TMEM132D: variants seen among roughly 807,000 people sequenced by gnomAD.
The protein encoded by TMEM132D is transmembrane protein 132D.
A neutral mutation model predicts 62.3 loss-of-function variants in TMEM132D; 21 were observed. The ratio of observed to expected loss-of-function variants is 0.34; its 90% CI spans 0.24 to 0.49. TMEM132D has a LOEUF of 0.49. TMEM132D is among the 20% of genes least tolerant of loss of function. TMEM132D has a pLI of 0.99. For missense variants in TMEM132D, 1,346 were observed against 1,402.8 expected (o/e 0.96, Z 0.65); for synonymous variants, 621 against 575.6 (o/e 1.08, Z -1.13).
In TMEM132D at chr12:129,134,961, C is replaced by A. The variant is rs188603468; in HGVS notation, c.1444-50259G>T. Among the ~76,000 whole-genome samples the A allele has an allele frequency of 4.6e-5, 7 of 152,338 alleles. No homozygotes were observed. The East Asian group carries it at 1.2e-3, about 25-fold the overall frequency. Reference sequence around the variant, plus strand: ...GGTGTGCCCCAAACCCACACTGGACCAATTAGAGTCCTCACGTGATATATT... The same window carrying A: ...GGTGTGCCCCAAACCCACACTGGACAAATTAGAGTCCTCACGTGATATATT... On this transcript the variant is annotated intron_variant, in intron 5 of 8. Coordinates refer to ENST00000422113, the MANE Select transcript of TMEM132D (RefSeq NM_133448.3).
intron 3 of TMEM132D, among the ~76,000 whole-genome samples, chr12:129,488,713 T>C (rs549214422): frequency 2.6e-5 from 4 of 152,010 alleles, no homozygotes; most frequent in African/African-American, 9.6e-5. Context: ...GTATGTTTGG[T>C]ATTCAGGAGT....
At chr12:129,543,099 A>C (rs1876626979) in intron 2 of TMEM132D, among the ~76,000 whole-genome samples, 1 of 147,752 alleles carries the variant, frequency 6.8e-6, no homozygotes, top group African/African-American at 2.5e-5. Context: ...GATAGATTAG[A>C]AAGATGGATA....
At chr12:129,115,450 A>G (rs1875865779) in intron 5 of TMEM132D, among the ~76,000 whole-genome samples, 1 of 152,136 alleles carries the variant, frequency 6.6e-6, no homozygotes, top group Non-Finnish European at 1.5e-5. Flanking sequence ...GATATGAGAG[A>G]GGCACTGCTT....
At chr12:129,413,849 C>T (rs1872037935) in intron 3 of TMEM132D, among the ~76,000 whole-genome samples, 1 of 152,114 alleles carries the variant, frequency 6.6e-6, no homozygotes, top group Admixed American at 6.5e-5. Flanking sequence ...AGTAATATTC[C>T]TTTCATGAAA....
At chr12:129,236,631 C>T (rs141844134) in intron 4 of TMEM132D, among the ~76,000 whole-genome samples, 18 of 151,206 alleles carry the variant, frequency 1.2e-4, no homozygotes, top group Non-Finnish European at 2.2e-4. Flanking sequence ...TTTTTCGTGG[C>T]GTCTTTAGGG....
intron 5 of TMEM132D, among the ~76,000 whole-genome samples, chr12:129,150,350 A>C (rs1304977017): frequency 6.6e-6 from 1 of 152,166 alleles, no homozygotes; most frequent in African/African-American, 2.4e-5. Flanking sequence ...GCCAACACTC[A>C]CTGGGGACTC....
intron 3 of TMEM132D, among the ~76,000 whole-genome samples, chr12:129,476,347 C>T (rs1273996246): frequency 6.6e-6 from 1 of 152,156 alleles, no homozygotes; most frequent in Admixed American, 6.5e-5. Context: ...GAGACAAGAG[C>T]AACTTCCCAA....
Position 129,074,515 on chromosome 12 carries a change from C to T in TMEM132D, c.2660G>A (p.Ser887Asn), listed in dbSNP as rs200821494. The change falls in exon 9 of 9, where the codon AGC (serine) becomes AAC (asparagine). Residue 887 changes from serine (S) to asparagine (N), a missense_variant. Coordinates refer to ENST00000422113, the MANE Select transcript of TMEM132D (RefSeq NM_133448.3). ...GGGGAGGTCCACCTGGGCTGGGAAG[C>T]TGGTGAGGTCGCTGGGGATGGTCTG... ...HLQTIPSDLT[S>N]FPAQVDLPRS... The T allele has an allele frequency of 1.5e-4, 239 of 1,613,972 alleles. No homozygotes were observed. Among genetic ancestry groups the T allele is most frequent in the Non-Finnish European group, 1.7e-4 (201 of 1,180,040 alleles).
At chr12:129,330,655 C>T (rs974044438) in intron 4 of TMEM132D, among the ~76,000 whole-genome samples, 2 of 152,200 alleles carry the variant, frequency 1.3e-5, no homozygotes, top group Non-Finnish European at 2.9e-5. Flanking sequence ...CCGCTCCATG[C>T]GACACCCTGC....
chr12:129,587,059 G>A (rs1444517236), intron 2 of TMEM132D, among the ~76,000 whole-genome samples: 1 of 152,086 alleles, frequency 6.6e-6, no homozygotes, highest in African/African-American at 2.4e-5. Context: ...TGTAAAAATA[G>A]CATGTGCATA....
rs146364757 is a variant in TMEM132D, at chr12:129,318,301, G to T, written c.1299+19333C>A. ...GTTAGAGGGAAGGTCTAGGGCTGAA[G>T]GCTGTTGTTCAGATTCTTTTGTCCC... On this transcript the variant is annotated intron_variant, in intron 4 of 8. Transcript: ENST00000422113. Among the ~76,000 whole-genome samples the T allele has an allele frequency of 2.3e-3, 344 of 152,308 alleles. 2 individuals carry two copies. Among genetic ancestry groups the T allele is most frequent in the African/African-American group, 8.0e-3 (331 of 41,574 alleles).
intron 2 of TMEM132D, among the ~76,000 whole-genome samples, chr12:129,639,706 C>T (rs762000183): frequency 2.0e-5 from 3 of 152,096 alleles, no homozygotes; most frequent in Non-Finnish European, 4.4e-5. Context: ...CGCTTCTGTG[C>T]CCACTTTGAA....
intron 3 of TMEM132D, 98 bp from the exon 4 acceptor site, chr12:129,337,915 C>T (rs1869346649): frequency 1.1e-5 from 14 of 1,285,336 alleles, no homozygotes; most frequent in Admixed American, 2.3e-5. Context: ...CTCTATGTAC[C>T]TCCACATGGA....
In TMEM132D at chr12:129,099,918, C is replaced by T. The variant is rs1167867643; in HGVS notation, c.1444-15216G>A. Among the ~76,000 whole-genome samples, 10 of 125,202 alleles carry T rather than the reference C, an allele frequency of 8.0e-5. 1 individual carries two copies. Among genetic ancestry groups the T allele is most frequent in the African/African-American group, 2.3e-4 (4 of 17,320 alleles). 82.1% of individuals were successfully genotyped at this position (125,202 alleles called of 152,430 possible). On this transcript the variant is annotated intron_variant, in intron 5 of 8. Transcript: ENST00000422113. Reference sequence around the variant, plus strand: ...TCGGCTCACTGCAAGCTCCGCCTCCCGGGTTCACGCCATTCTCCTGCCTCA... The same window carrying T: ...TCGGCTCACTGCAAGCTCCGCCTCCTGGGTTCACGCCATTCTCCTGCCTCA...
At chr12:129,792,499 C>T (rs991776394) in intron 1 of TMEM132D, among the ~76,000 whole-genome samples, 2 of 152,140 alleles carry the variant, frequency 1.3e-5, no homozygotes, top group South Asian at 2.1e-4. Context: ...TCTCATTCAT[C>T]GTCCGGTACA....
intron 5 of TMEM132D, among the ~76,000 whole-genome samples, chr12:129,101,488 C>A (rs1045321170): frequency 3.3e-5 from 5 of 152,086 alleles, no homozygotes; most frequent in Admixed American, 1.3e-4. Context: ...GAGATGTGAG[C>A]ACCAAGCAAG....
At chr12:129,125,820 A>G (rs1248535482) in intron 5 of TMEM132D, among the ~76,000 whole-genome samples, 2 of 152,120 alleles carry the variant, frequency 1.3e-5, no homozygotes, top group East Asian at 3.9e-4. Flanking sequence ...TGCTGCATTG[A>G]GCACCAGTCA....
chr12:129,454,715 G>T (rs4759944), intron 3 of TMEM132D, among the ~76,000 whole-genome samples: 1 of 152,132 alleles, frequency 6.6e-6, no homozygotes. Context: ...GGACAGCGGG[G>T]TCTACAAAAG....
intron 1 of TMEM132D, among the ~76,000 whole-genome samples, chr12:129,768,785 T>C (rs2137280867): frequency 6.6e-6 from 1 of 152,268 alleles, no homozygotes; most frequent in Non-Finnish European, 1.5e-5. Flanking sequence ...GCACTGCTGT[T>C]TACTCAAGCC....
Sources: gnomAD v4.1 joint callset for allele counts (sites outside exome capture counted in the v4.1 genomes callset) on GRCh38, gnomAD v4.1.1 for gene constraint, MANE v1.5 for transcripts, NCBI Gene and HGNC (gene_info 2026-07-23, HGNC 2026-07-21) for gene names.